Variants in WDPCP observed in about 807,000 individuals in gnomAD.
The protein encoded by WDPCP is WD repeat containing planar cell polarity effector, also known as WD repeat-containing and planar cell polarity effector protein fritz homolog.
A neutral mutation model predicts 93.1 loss-of-function variants in WDPCP; 71 were observed. That is an observed-to-expected ratio of 0.76 (90% CI 0.63 to 0.93). The LOEUF (loss-of-function observed/expected upper bound fraction) is 0.93. WDPCP is among the 40% of genes least tolerant of loss of function. WDPCP has a pLI of 0.00. For missense variants in WDPCP, 844 were observed against 887.4 expected (o/e 0.95, Z 0.62); for synonymous variants, 315 against 315.0 (o/e 1.00, Z 0.00).
intron 10 of WDPCP, among the ~76,000 whole-genome samples, chr2:63,394,026 C>G (rs1346124595): frequency 1.3e-5 from 2 of 152,140 alleles, no homozygotes; most frequent in Non-Finnish European, 2.9e-5. Flanking sequence ...GATTTCATGA[C>G]AAAGGCGCCA....
chr2:63,761,861 C>T (rs1208731081), intron 2 of WDPCP, among the ~76,000 whole-genome samples: 2 of 152,152 alleles, frequency 1.3e-5, no homozygotes, highest in African/African-American at 2.4e-5. Flanking sequence ...TCAGTATTAA[C>T]CATCACATAT....
intron 6 of WDPCP, among the ~76,000 whole-genome samples, chr2:63,449,993 A>G (rs1016938974): frequency 1.3e-5 from 2 of 152,196 alleles, no homozygotes; most frequent in Admixed American, 6.5e-5. Context: ...CCTCGGGGAA[A>G]GAAGAGTGCA....
In WDPCP at chr2:63,781,149, C is replaced by A. The variant is rs146161364; in HGVS notation, n.308+32473G>T. On this transcript the variant is annotated intron_variant and non_coding_transcript_variant, in intron 2 of 4. Transcript: ENST00000467687. ...CTGTATTATTACTTCAAATCTGCAC[C>A]ACTGGTGGGCACCATAAGATCTTGC... Among the ~76,000 whole-genome samples the A allele has an allele frequency of 3.4e-3, 514 of 152,272 alleles. 4 individuals carry two copies. The highest frequency in any genetic ancestry group is 0.024 in the Middle Eastern group (7 of 294).
intron 14 of WDPCP, among the ~76,000 whole-genome samples, chr2:63,180,034 T>G (rs1253157481): frequency 6.6e-6 from 1 of 152,180 alleles, no homozygotes; most frequent in African/African-American, 2.4e-5. Flanking sequence ...GAGGTCATTA[T>G]CTTAAGTGAA....
At chr2:63,152,803 CCA>C in intron 17 of WDPCP, 109 bp downstream of exon 17, 1 of 976,502 alleles carries the variant, frequency 1.0e-6, no homozygotes, top group South Asian at 1.4e-5. Context: ...TTAATGTAGT[CCA>C]GTTAATGTAG....
At position 63,278,804 on chromosome 2, in the gene WDPCP, C is replaced by T. The variant is rs202118277; in HGVS notation, c.1813-19395G>A. On this transcript the variant is annotated intron_variant, in intron 13 of 17. Coordinates refer to ENST00000272321, the MANE Select transcript of WDPCP (RefSeq NM_015910.7). Reference sequence around the variant, plus strand: ...TCATGCCACTGCACTCCAGCCTGGGCGACAGATACTACTACAGATACCACA... The same window carrying T: ...TCATGCCACTGCACTCCAGCCTGGGTGACAGATACTACTACAGATACCACA... Among the ~76,000 whole-genome samples, 13 of 152,150 alleles carry T rather than the reference C, an allele frequency of 8.5e-5. 1 individual carries two copies. The East Asian group carries it at 9.7e-4, about 11-fold the overall frequency.
At chr2:63,224,831 T>C (rs1244397304) in intron 14 of WDPCP, among the ~76,000 whole-genome samples, 1 of 151,974 alleles carries the variant, frequency 6.6e-6, no homozygotes, top group African/African-American at 2.4e-5. Flanking sequence ...TACATATATT[T>C]GTCTAAACCT....
chr2:63,560,914 T>C (rs910435364), intron 1 of WDPCP, among the ~76,000 whole-genome samples: 7 of 152,154 alleles, frequency 4.6e-5, no homozygotes, highest in African/African-American at 1.7e-4. Context: ...CAAACCAACA[T>C]GGCACATGCA....
At chr2:63,607,143 A>T in intron 3 of WDPCP, 1 of 591,826 alleles carries the variant, frequency 1.7e-6, no homozygotes. Context: ...TGTGAATGAC[A>T]GTTTATCGTC....
intron 13 of WDPCP, among the ~76,000 whole-genome samples, chr2:63,268,799 A>G (rs1682377145): frequency 6.6e-6 from 1 of 152,102 alleles, no homozygotes; most frequent in Non-Finnish European, 1.5e-5. Context: ...AAAGATTTTT[A>G]ATGTTATGAT....
chr2:63,723,112 T>TCCCTA, intron 2 of WDPCP, among the ~76,000 whole-genome samples: 1 of 151,922 alleles, frequency 6.6e-6, no homozygotes, highest in South Asian at 2.1e-4. Context: ...TCATCACCAC[T>TCCCTA]CCCTAATCTC....
At chr2:63,657,023 C>T (rs970676142) in intron 2 of WDPCP, among the ~76,000 whole-genome samples, 3 of 152,062 alleles carry the variant, frequency 2.0e-5, no homozygotes, top group Non-Finnish European at 4.4e-5. Context: ...AAAGGAAAAG[C>T]TGGAAGGCCT....
intron 3 of WDPCP, among the ~76,000 whole-genome samples, chr2:63,630,087 A>G (rs1441941274): frequency 1.3e-5 from 2 of 152,232 alleles, no homozygotes; most frequent in Non-Finnish European, 2.9e-5. Context: ...AAAGCTAAGC[A>G]TAAGTGATGT....
chr2:63,388,537 C>T (rs776515207), intron 10 of WDPCP, among the ~76,000 whole-genome samples: 4 of 152,106 alleles, frequency 2.6e-5, no homozygotes, highest in Non-Finnish European at 4.4e-5. Flanking sequence ...CAAAGCTGGA[C>T]GGAGAATGAC....
chr2:63,604,932 A>G, intron 3 of WDPCP: 2 of 1,554,028 alleles, frequency 1.3e-6, no homozygotes, highest in Non-Finnish European at 1.8e-6. Flanking sequence ...AGAGACTCTT[A>G]GGACAGAAAA....
chr2:63,746,682 C>T (rs1233002790), intron 2 of WDPCP, among the ~76,000 whole-genome samples: 1 of 152,114 alleles, frequency 6.6e-6, no homozygotes, highest in African/African-American at 2.4e-5. Flanking sequence ...TCTCCTGCAG[C>T]GCCCCAAGGT....
At chr2:63,209,509 A>T (rs1415915821) in intron 14 of WDPCP, among the ~76,000 whole-genome samples, 1 of 152,116 alleles carries the variant, frequency 6.6e-6, no homozygotes, top group East Asian at 1.9e-4. Flanking sequence ...GACCCTCTAG[A>T]CCTCATGAAG....
At chr2:63,245,743 G>A (rs1680220532) in intron 14 of WDPCP, among the ~76,000 whole-genome samples, 1 of 152,040 alleles carries the variant, frequency 6.6e-6, no homozygotes, top group Non-Finnish European at 1.5e-5. Flanking sequence ...AGAAATTTAA[G>A]GAAGATATGG....
At chr2:63,524,985 G>A (rs555960779) in intron 1 of WDPCP, among the ~76,000 whole-genome samples, 8 of 152,124 alleles carry the variant, frequency 5.3e-5, no homozygotes, top group South Asian at 2.1e-4. Context: ...TAAAGACAGA[G>A]AATCAACCTA....
Sources: gnomAD v4.1 joint callset for allele counts (sites outside exome capture counted in the v4.1 genomes callset) on GRCh38, gnomAD v4.1.1 for gene constraint, MANE v1.5 for transcripts, NCBI Gene and HGNC (gene_info 2026-07-23, HGNC 2026-07-21) for gene names.